The following BRI3 variants were observed in gnomAD, a reference collection of about 807,000 sequenced individuals.
The protein encoded by BRI3 is brain protein I3.
A neutral mutation model predicts 12.8 loss-of-function variants in BRI3; 6 were observed. The observed-to-expected ratio is 0.47, with a 90% CI of 0.26 to 0.93. BRI3 has a LOEUF of 0.93. Ranked by LOEUF, BRI3 falls within the 40% of genes least tolerant of loss-of-function variation. The pLI, the probability that BRI3 is intolerant of heterozygous loss-of-function variation, is 0.15. For missense variants in BRI3, 134 were observed against 171.1 expected, an observed-to-expected ratio of 0.78 and a Z score of 1.21; for synonymous variants, 91 against 76.1, an observed-to-expected ratio of 1.20 and a Z score of -1.02.
downstream of BRI3, among the ~76,000 whole-genome samples, chr7:98,295,634 C>CT (rs1800158950): frequency 6.6e-6 from 1 of 152,162 alleles, no homozygotes. Flanking sequence ...TGACTCCACT[C>CT]TGCCCTCCCC....
downstream of BRI3, among the ~76,000 whole-genome samples, chr7:98,313,944 T>G (rs1380950589): frequency 1.3e-5 from 2 of 150,870 alleles, no homozygotes; most frequent in African/African-American, 4.9e-5. Flanking sequence ...GTACTAATTT[T>G]AAATCTTATT....
Position 98,281,849 on chromosome 7 carries a change from C to G in BRI3, c.54C>G (p.Ala18=), listed in dbSNP as rs1412983332. ...GGCCGCCCGCCTACAACCTGGAGGC[C>G]GGCCAGGGCGACTACGCGTGCGGCC... ...QERPPAYNLE[A]GQGDYACGPH... Residue 18 remains alanine, a synonymous_variant, in exon 1 of 3, where the codon GCC becomes GCG. Coordinates refer to ENST00000297290, the MANE Select transcript of BRI3 (RefSeq NM_015379.5). The G allele has an allele frequency of 3.2e-5, 41 of 1,300,126 alleles. No homozygotes were observed. The highest frequency in any genetic ancestry group is 2.9e-4 in the Middle Eastern group (1 of 3,492). 80.5% of individuals were successfully genotyped at this position (1,300,126 alleles called of 1,614,324 possible). A position where few individuals can be genotyped will look rare whatever the true frequency, so the allele number is the denominator to read the frequency against.
chr7:98,284,393 G>A (rs1269848520), intron 2 of BRI3, among the ~76,000 whole-genome samples: 1 of 152,192 alleles, frequency 6.6e-6, no homozygotes, highest in Non-Finnish European at 1.5e-5. Flanking sequence ...GGGCCCCTGT[G>A]CCCTGTGGCA....
chr7:98,307,994 T>G, exon 2 of BRI3: 1 of 1,136,208 alleles, frequency 8.8e-7, no homozygotes, highest in South Asian at 1.2e-5. Context: ...GTTCTCATCT[T>G]GCCAACAATG....
At chr7:98,284,413 C>T (rs1027859730) in intron 2 of BRI3, among the ~76,000 whole-genome samples, 4 of 152,158 alleles carry the variant, frequency 2.6e-5, no homozygotes, top group Non-Finnish European at 4.4e-5. Context: ...AGCCAGAGGG[C>T]GAGCAGGGGG....
exon 2 of BRI3, chr7:98,308,026 C>G (rs1197324887): frequency 3.4e-6 from 3 of 886,942 alleles, no homozygotes; most frequent in Non-Finnish European, 5.6e-6. Flanking sequence ...GAAACTGACC[C>G]TGTCCTATTT....
chr7:98,321,025 T>C, the BRI3 span, among the ~76,000 whole-genome samples: 2 of 151,996 alleles, frequency 1.3e-5, no homozygotes, highest in Non-Finnish European at 2.9e-5. Flanking sequence ...CTCAGCTATT[T>C]TTTTGGGACA....
rs1029802898 is a variant in BRI3, at chr7:98,291,398, A to C, written c.*155A>C. On this transcript the variant is annotated 3_prime_UTR_variant, in exon 3 of 3. Coordinates refer to ENST00000297290, the MANE Select transcript of BRI3 (RefSeq NM_015379.5). The stretch of plus-strand genomic sequence containing the variant: ...CCAGCTGCGGTTTCCCGGAGCGTGG[A>C]GAGGCAGTGCTGCTGCTCCCGCCCG... 6.8e-6 allele frequency: 10 copies of C among 1,462,676 alleles called. No individual in the cohort carries two copies. Among genetic ancestry groups the C allele is most frequent in the African/African-American group, 1.4e-5 (1 of 70,326 alleles). The allele number at this position is 1,462,676 out of a possible 1,614,324, so 90.6% of individuals were successfully genotyped here. A position where few individuals can be genotyped will look rare whatever the true frequency, so the allele number is the denominator to read the frequency against.
intron 2 of BRI3, 87 bp from the exon 3 acceptor site, chr7:98,291,024 G>A (rs909602172): frequency 6.8e-6 from 10 of 1,480,204 alleles, no homozygotes; most frequent in Non-Finnish European, 9.4e-6. Flanking sequence ...GCCACTGGTT[G>A]GTTATTGAAT....
chr7:98,294,245 G>A (rs754993054), downstream of BRI3: 29 of 873,190 alleles, frequency 3.3e-5, no homozygotes, highest in Non-Finnish European at 4.6e-5. Flanking sequence ...CTTCCACCTT[G>A]GCCTCCTAAT....
At chr7:98,303,802 A>G (rs1221220821), upstream of BRI3, among the ~76,000 whole-genome samples, 1 of 152,242 alleles carries the variant, frequency 6.6e-6, no homozygotes, top group Non-Finnish European at 1.5e-5. Flanking sequence ...GACTTTCTGA[A>G]GAAAGATGAA....
At chr7:98,293,848 G>A (rs1394341690), downstream of BRI3, among the ~76,000 whole-genome samples, 2 of 152,220 alleles carry the variant, frequency 1.3e-5, no homozygotes, top group Non-Finnish European at 2.9e-5. Context: ...CTTTAGTCCT[G>A]CATTGTGTGT....
chr7:98,286,476 C>T (rs1339652988), intron 2 of BRI3, among the ~76,000 whole-genome samples: 5 of 152,180 alleles, frequency 3.3e-5, no homozygotes, highest in Admixed American at 3.3e-4. Context: ...GGGGGAGGGG[C>T]GGCTAGAGAG....
Position 98,289,984 on chromosome 7 carries a change from T to C in BRI3, c.246-1127T>C, listed in dbSNP as rs75105233. Among the ~76,000 whole-genome samples, 1,215 of 152,256 alleles carry C rather than the reference T, an allele frequency of 8.0e-3. 6 individuals are homozygous for C. Among genetic ancestry groups the C allele is most frequent in the Middle Eastern group, 0.027 (8 of 294 alleles). On this transcript the variant is annotated intron_variant, in intron 2 of 2. Coordinates refer to ENST00000297290, the MANE Select transcript of BRI3 (RefSeq NM_015379.5). ...TGAAGAGGCGGCTTTGAGATCACAT[T>C]TCTCAAAATAAGTGGCCTTCAGACA... is the stretch of plus-strand genomic sequence containing the variant.
At chr7:98,282,525 A>C (rs1422925303) in intron 2 of BRI3, 72 bp downstream of exon 2, 1 of 1,288,000 alleles carries the variant, frequency 7.8e-7, no homozygotes, top group African/African-American at 1.5e-5. Context: ...CCAGGACCTC[A>C]CAGCTCTGCT....
At chr7:98,311,341 T>C (rs1318769833), downstream of BRI3, among the ~76,000 whole-genome samples, 2 of 147,014 alleles carry the variant, frequency 1.4e-5, no homozygotes, top group Admixed American at 1.4e-4. Context: ...CAGGAGATCG[T>C]GACCATCCTG....
downstream of BRI3, among the ~76,000 whole-genome samples, chr7:98,295,296 C>A (rs1001244467): frequency 3.3e-5 from 5 of 152,154 alleles, no homozygotes; most frequent in African/African-American, 1.2e-4. Context: ...ACCTGTCCCA[C>A]CCTCCCCAGA....
rs2906187 is a variant in BRI3, at chr7:98,307,586, T to C, written n.216T>C. On this transcript the variant is annotated non_coding_transcript_exon_variant, in exon 2 of 2. Transcript: ENST00000485422. ...TAGAACTAAACCATAAACTTAACTT[T>C]GGCTAAAATGTGAGCATGTCCACGA... 4.2e-5 allele frequency: 64 copies of C among 1,522,014 alleles called. No homozygotes were observed. The African/African-American group carries it at 8.2e-4, about 20-fold the overall frequency. The allele number at this position is 1,522,014 out of a possible 1,614,324, so 94.3% of individuals were successfully genotyped here. A position where few individuals can be genotyped will look rare whatever the true frequency, so the allele number is the denominator to read the frequency against.
the BRI3 span, chr7:98,315,586 C>G: frequency 2.0e-6 from 3 of 1,471,414 alleles, no homozygotes; most frequent in East Asian, 2.5e-5. Flanking sequence ...GGATTTCACT[C>G]TGACGAGAAG....
Sources: allele counts gnomAD v4.1 joint callset (sites outside exome capture counted in the v4.1 genomes callset), GRCh38; gene constraint gnomAD v4.1.1; transcripts MANE v1.5; gene names NCBI Gene and HGNC (gene_info 2026-07-23, HGNC 2026-07-21).